ZFHX2: variants seen among roughly 807,000 people sequenced by gnomAD.
The protein encoded by ZFHX2 is zinc finger homeobox protein 2.
In ZFHX2, 75 loss-of-function variants were observed where a neutral mutation model predicts 164.8. The ratio of observed to expected loss-of-function variants is 0.46; its 90% CI spans 0.38 to 0.55. The LOEUF (loss-of-function observed/expected upper bound fraction) is 0.55, where lower values mean the gene tolerates loss of function less well. Among genes scored for constraint, ZFHX2 ranks in the 20% least tolerant of loss-of-function variants. The probability of loss-of-function intolerance (pLI) is 0.00; values close to 1 mark genes in which losing one functional copy is unlikely to be tolerated. For missense variants in ZFHX2, 2,933 were observed against 3,308.0 expected, an observed-to-expected ratio of 0.89 and a Z score of 2.78; for synonymous variants, 1,217 against 1,351.4, an observed-to-expected ratio of 0.90 and a Z score of 2.18.
chr14:23,532,078 A>G (rs1879639882), intron 3 of ZFHX2: 1 of 182,596 alleles, frequency 5.5e-6, no homozygotes, highest in Non-Finnish European at 1.1e-5. Context: ...ACCTAGCCTC[A>G]GGGGACTTCT....
In ZFHX2 at chr14:23,551,708, G is replaced by A; in HGVS notation, c.-415C>T. On this transcript the variant is annotated 5_prime_UTR_variant, in exon 1 of 10. Coordinates refer to ENST00000419474, the MANE Select transcript of ZFHX2 (RefSeq NM_033400.3). This position sits in a 1 kb window ranked among gnomAD's most constrained non-coding sequence, Gnocchi z 5.3. Reference sequence around the variant, plus strand: ...CGCCCTCCTCCTCCTCCTCCTCCTCGCCCTCACTCCTCCGCCTCATTCACT... The same window carrying A: ...CGCCCTCCTCCTCCTCCTCCTCCTCACCCTCACTCCTCCGCCTCATTCACT... 1 of 153,098 alleles carries A rather than the reference G, an allele frequency of 6.5e-6. No homozygotes were observed. Among genetic ancestry groups the A allele is most frequent in the Non-Finnish European group, 1.4e-5 (1 of 69,260 alleles). 9.5% of individuals were successfully genotyped at this position (153,098 alleles called of 1,614,324 possible). A position where few individuals can be genotyped will look rare whatever the true frequency, so the allele number is the denominator to read the frequency against.
intron 6 of ZFHX2, 146 bp downstream of exon 6, chr14:23,529,564 C>G (rs983368871): frequency 6.0e-6 from 5 of 827,918 alleles, no homozygotes; most frequent in Non-Finnish European, 9.6e-6. Flanking sequence ...ACATGTGGAA[C>G]TGGATCTGGG....
chr14:23,523,352 G>A lies in ZFHX2; in HGVS notation c.6590C>T (p.Ala2197Val). ...KCYDLAPAPEAPPALKAPPAT... is the reference protein window; with the variant it reads ...KCYDLAPAPEVPPALKAPPAT... ...AGGTGGGGCCTTGAGAGCTGGGGGA[G>A]CCTCAGGTGCTGGGGCCAAGTCGTA... Residue 2197 changes from alanine (A) to valine (V), a missense_variant, in exon 9 of 10, where the codon GCT becomes GTT. Coordinates refer to ENST00000419474, the MANE Select transcript of ZFHX2 (RefSeq NM_033400.3). The surrounding 1 kb of genome is among the most constrained non-coding windows in gnomAD (Gnocchi z 4.1). 6.8e-7 allele frequency: 1 copy of A among 1,470,014 alleles called. No individual in the cohort carries two copies. Among genetic ancestry groups the A allele is most frequent in the Middle Eastern group, 1.8e-4 (1 of 5,638 alleles). The allele number at this position is 1,470,014 out of a possible 1,614,324, so 91.1% of individuals were successfully genotyped here.
At chr14:23,537,193 C>T (rs1327626629) in intron 1 of ZFHX2, among the ~76,000 whole-genome samples, 4 of 151,918 alleles carry the variant, frequency 2.6e-5, no homozygotes, top group Admixed American at 2.0e-4. Flanking sequence ...GATTCCTGGG[C>T]TGCCTCCAGC....
Position 23,522,879 on chromosome 14 carries a change from C to T in ZFHX2, c.6802G>A (p.Val2268Ile), listed in dbSNP as rs770634557. 2.7e-6 allele frequency: 4 copies of T among 1,503,714 alleles called. No homozygotes were observed. The highest frequency in any genetic ancestry group is 1.3e-5 in the South Asian group (1 of 78,822). 93.1% of individuals were successfully genotyped at this position (1,503,714 alleles called of 1,614,324 possible). Residue 2268 changes from valine to isoleucine, a missense_variant, in exon 10 of 10, where the codon GTC (valine) becomes ATC (isoleucine). Val to Ile is a conservative substitution (Grantham distance 29). Transcript: ENST00000419474. ...GGGCGGCCTGGGCCAGCAGTCTGGACCACTGTGGTGGTAGGCAGGACCGAA... is the reference window on the plus strand; with the variant it reads ...GGGCGGCCTGGGCCAGCAGTCTGGATCACTGTGGTGGTAGGCAGGACCGAA... ...ATSVLPTTTV[V>I]QTAGPGRPLP...
At position 23,534,683 on chromosome 14, in the gene ZFHX2, T is replaced by C; in HGVS notation, c.643A>G (p.Asn215Asp). ...CCATCTTTGGGATCTCCGGGTGGAT[T>C]TGGAGCCAGCTGGTAGCTCCAGAAA... ...GAFWSYQLAPNPPGDPKDGPM... is the reference protein window; with the variant it reads ...GAFWSYQLAPDPPGDPKDGPM... The change falls in exon 2 of 10, where the codon AAT becomes GAT. Residue 215 changes from asparagine to aspartate, a missense_variant. Coordinates refer to ENST00000419474, the MANE Select transcript of ZFHX2 (RefSeq NM_033400.3). This position sits in a 1 kb window ranked among gnomAD's most constrained non-coding sequence, Gnocchi z 4.5. The C allele has an allele frequency of 1.3e-6, 2 of 1,536,202 alleles. No homozygotes were observed.
intron 1 of ZFHX2, among the ~76,000 whole-genome samples, chr14:23,538,679 C>T (rs1379071817): frequency 3.3e-5 from 5 of 152,054 alleles, no homozygotes; most frequent in African/African-American, 9.7e-5. Context: ...AGAGACAAGG[C>T]GACCCCTGAA....
At position 23,535,792 on chromosome 14, in the gene ZFHX2, G is replaced by A. The variant is rs150308245; in HGVS notation, c.-49-418C>T. 0.016 allele frequency among the ~76,000 whole-genome samples: 2,445 copies of A among 151,864 alleles called. 64 individuals are homozygous for A. Among genetic ancestry groups the A allele is most frequent in the African/African-American group, 0.055 (2,271 of 41,412 alleles). On this transcript the variant is annotated intron_variant, in intron 1 of 9. Transcript: ENST00000419474. The surrounding 1 kb of genome is among the most constrained non-coding windows in gnomAD (Gnocchi z 4.5). ...TTTTTAGTAGAGACGGGGTTTCTCC[G>A]TGTTGGTCAGGCTGGTCTCTAACTC...
At chr14:23,542,127 G>GTC (rs1880888928) in intron 1 of ZFHX2, 2 of 152,424 alleles carry the variant, frequency 1.3e-5, no homozygotes, top group African/African-American at 2.4e-5. Context: ...ATGAAGCTAG[G>GTC]TCTTGATTTG....
rs1323279742 is a variant in ZFHX2 at position 23,531,639 on chromosome 14, G to A, written c.2642C>T (p.Ser881Phe). The change falls in exon 4 of 10, where the codon TCC becomes TTC. Residue 881 changes from serine (S) to phenylalanine (F), a missense_variant. Transcript: ENST00000419474. ...CAGGTGTTGCAGCACAGCCAAGCGG[G>A]AGGGTGTCTCCCACGCACACAACAG... ...HCLLCAWETP[S>F]RLAVLQHLRT... 6.6e-7 allele frequency: 1 copy of A among 1,519,606 alleles called. No homozygotes were observed. The highest frequency in any genetic ancestry group is 8.8e-7 in the Non-Finnish European group (1 of 1,136,708). 94.1% of individuals were successfully genotyped at this position (1,519,606 alleles called of 1,614,324 possible). A position where few individuals can be genotyped will look rare whatever the true frequency, so the allele number is the denominator to read the frequency against.
In ZFHX2 at chr14:23,521,859, G is replaced by A. The variant is rs2138638202; in HGVS notation, c.*103C>T. Reference sequence around the variant, plus strand: ...CTGAACAGTTCCTGTGAGGTGGGCGGGGCCAGGGGGTGGGGTGAGGGATTT... The same window carrying A: ...CTGAACAGTTCCTGTGAGGTGGGCGAGGCCAGGGGGTGGGGTGAGGGATTT... On this transcript the variant is annotated 3_prime_UTR_variant, in exon 10 of 10. Coordinates refer to ENST00000419474, the MANE Select transcript of ZFHX2 (RefSeq NM_033400.3). 6.7e-7 allele frequency: 1 copy of A among 1,489,514 alleles called. No homozygotes were observed. Among genetic ancestry groups the A allele is most frequent in the South Asian group, 1.3e-5 (1 of 74,726 alleles). 92.3% of individuals were successfully genotyped at this position (1,489,514 alleles called of 1,614,324 possible).
At position 23,534,414 on chromosome 14, in the gene ZFHX2, T is replaced by G; in HGVS notation, c.912A>C (p.Ile304=). 6.5e-7 allele frequency: 1 copy of G among 1,536,728 alleles called. No individual in the cohort carries two copies. Among genetic ancestry groups the G allele is most frequent in the Non-Finnish European group, 8.7e-7 (1 of 1,147,024 alleles). ...TCACTGTGCTGCTGTTGTCAAGGGG[T>G]ATGTCAGAAGAGGGGCGAGCAGGGA... ...PKLPARPSSD[I]PLDNSSTVNM... Residue 304 remains isoleucine, a synonymous_variant, in exon 2 of 10, where the codon ATA becomes ATC. Coordinates refer to ENST00000419474, the MANE Select transcript of ZFHX2 (RefSeq NM_033400.3). The surrounding 1 kb of genome is among the most constrained non-coding windows in gnomAD (Gnocchi z 4.5).
intron 1 of ZFHX2, among the ~76,000 whole-genome samples, chr14:23,540,775 T>TA (rs1048312958): frequency 6.6e-6 from 1 of 152,246 alleles, no homozygotes; most frequent in Admixed American, 6.5e-5. Context: ...AGGTAACGTG[T>TA]AAAGTGCATT....
intron 1 of ZFHX2, chr14:23,543,622 G>C (rs1344445207): frequency 6.6e-6 from 1 of 152,340 alleles, no homozygotes; most frequent in Non-Finnish European, 1.5e-5. Flanking sequence ...CCATGCAGGG[G>C]CACTGGCCAT....
In ZFHX2 at chr14:23,523,362, C is replaced by A. The variant is rs1234496518; in HGVS notation, c.6580G>T (p.Ala2194Ser). 6.8e-7 allele frequency: 1 copy of A among 1,475,432 alleles called. No individual in the cohort carries two copies. Among genetic ancestry groups the A allele is most frequent in the East Asian group, 2.5e-5 (1 of 40,424 alleles). 91.4% of individuals were successfully genotyped at this position (1,475,432 alleles called of 1,614,324 possible). Residue 2194 changes from alanine to serine, a missense_variant, in exon 9 of 10, where the codon GCA (alanine) becomes TCA (serine). Coordinates refer to ENST00000419474, the MANE Select transcript of ZFHX2 (RefSeq NM_033400.3). The surrounding 1 kb of genome is among the most constrained non-coding windows in gnomAD (Gnocchi z 4.1). ...SESKCYDLAP[A>S]PEAPPALKAP... Reference sequence around the variant, plus strand: ...TTGAGAGCTGGGGGAGCCTCAGGTGCTGGGGCCAAGTCGTAGCACTTGCTT... The same window carrying A: ...TTGAGAGCTGGGGGAGCCTCAGGTGATGGGGCCAAGTCGTAGCACTTGCTT...
intron 1 of ZFHX2, among the ~76,000 whole-genome samples, chr14:23,538,601 T>C (rs4982768): frequency 0.17 from 25,742 of 151,986 alleles, 2,480 homozygotes; most frequent in Admixed American, 0.28. Flanking sequence ...TCGCCATTCT[T>C]CCCTTTAGTT....
At chr14:23,528,647 GCTCATCCTCC>G (rs1252026219) in intron 6 of ZFHX2, 4 of 985,260 alleles carry the variant, frequency 4.1e-6, no homozygotes, top group Non-Finnish European at 4.8e-6. Flanking sequence ...TCAGAAGCCA[GCTCATCCTCC>G]CTCAGGCTCA....
At chr14:23,537,730 G>A (rs1880340462) in intron 1 of ZFHX2, among the ~76,000 whole-genome samples, 3 of 152,194 alleles carry the variant, frequency 2.0e-5, no homozygotes, top group Admixed American at 2.0e-4. Context: ...GAAAGCAGAA[G>A]CCCTCAAGTT....
In ZFHX2 at chr14:23,533,683, C is replaced by T; in HGVS notation, c.1643G>A (p.Ser548Asn). 2 of 1,538,554 alleles carry T rather than the reference C, an allele frequency of 1.3e-6. No homozygotes were observed. Among genetic ancestry groups the T allele is most frequent in the Middle Eastern group, 3.3e-4 (2 of 5,994 alleles). Reference sequence around the variant, plus strand: ...GGGTGGGAGTGATGCCTCTGGTGGACTTCCCTGCCCACCAGGGCCCGCCTG... The same window carrying T: ...GGGTGGGAGTGATGCCTCTGGTGGATTTCCCTGCCCACCAGGGCCCGCCTG... ...GFQAGPGGQG[S>N]PPEASLPPSA... The change falls in exon 2 of 10, where the codon AGT (serine) becomes AAT (asparagine). Residue 548 changes from serine to asparagine, a missense_variant. Coordinates refer to ENST00000419474, the MANE Select transcript of ZFHX2 (RefSeq NM_033400.3). This position sits in a 1 kb window ranked among gnomAD's most constrained non-coding sequence, Gnocchi z 4.8.
Sources: allele counts gnomAD v4.1 joint callset (sites outside exome capture counted in the v4.1 genomes callset), GRCh38; gene constraint gnomAD v4.1.1; non-coding constraint Gnocchi (gnomAD v3.1); transcripts MANE v1.5; gene names NCBI Gene and HGNC (gene_info 2026-07-23, HGNC 2026-07-21).